The following WDR7 variants were observed in gnomAD, a reference collection of about 807,000 sequenced individuals.
The protein encoded by WDR7 is WD repeat-containing protein 7.
In WDR7, 46 loss-of-function variants were observed where a neutral mutation model predicts 169.4. The ratio of observed to expected loss-of-function variants is 0.27; its 90% CI spans 0.21 to 0.35. The LOEUF (loss-of-function observed/expected upper bound fraction) is 0.35. Ranked by LOEUF, WDR7 falls within the 10% of genes least tolerant of loss-of-function variation. The pLI is 1.00. For synonymous variants in WDR7, 612 were observed against 666.8 expected, an observed-to-expected ratio of 0.92 and a Z score of 1.27; for missense variants, 1,534 against 1,859.3, an observed-to-expected ratio of 0.83 and a Z score of 3.22.
At chr18:56,838,462 A>G (rs2045429684) in intron 20 of WDR7, among the ~76,000 whole-genome samples, 1 of 152,236 alleles carries the variant, frequency 6.6e-6, no homozygotes, top group Non-Finnish European at 1.5e-5. Flanking sequence ...GAGTATGGAC[A>G]CAAAATCTTT....
intron 19 of WDR7, among the ~76,000 whole-genome samples, chr18:56,796,053 C>T (rs1026255829): frequency 2.0e-5 from 3 of 152,192 alleles, no homozygotes; most frequent in Admixed American, 6.5e-5. Flanking sequence ...ACCTGGAAAT[C>T]ACAACAGTAC....
intron 20 of WDR7, among the ~76,000 whole-genome samples, chr18:56,838,172 A>G (rs1385809757): frequency 6.6e-6 from 1 of 152,198 alleles, no homozygotes; most frequent in East Asian, 1.9e-4. Context: ...AGCACTCAGC[A>G]TATGCTAACA....
intron 21 of WDR7, among the ~76,000 whole-genome samples, chr18:56,913,025 C>A (rs2046573923): frequency 6.6e-6 from 1 of 151,982 alleles, no homozygotes; most frequent in Non-Finnish European, 1.5e-5. Context: ...CAGGTACACA[C>A]ACCATGCCTA....
chr18:56,835,227 C>T (rs1180030109), intron 20 of WDR7, among the ~76,000 whole-genome samples: 1 of 152,080 alleles, frequency 6.6e-6, no homozygotes, highest in African/African-American at 2.4e-5. Context: ...AATGTGCCTC[C>T]CTTGTCTTAA....
chr18:56,754,213 A>G (rs1202509926), intron 14 of WDR7, among the ~76,000 whole-genome samples: 1 of 149,672 alleles, frequency 6.7e-6, no homozygotes, highest in Non-Finnish European at 1.5e-5. Context: ...TTGGAAGGGT[A>G]AGCAGCAGTA....
At chr18:56,904,600 G>A (rs191732099) in intron 21 of WDR7, among the ~76,000 whole-genome samples, 14 of 152,254 alleles carry the variant, frequency 9.2e-5, no homozygotes, top group Admixed American at 8.5e-4. Context: ...AGAGTGGAGA[G>A]TGGCAGCCAT....
downstream of WDR7, chr18:57,032,801 T>TTATATATATATATACATATATA (rs2048448071): frequency 3.8e-5 from 4 of 106,190 alleles, no homozygotes; most frequent in African/African-American, 1.3e-4. Context: ...TATAATTATT[T>TTATATATATATATACATATATA]TATATATATA....
chr18:56,748,659 A>C (rs1449509727), intron 14 of WDR7, among the ~76,000 whole-genome samples: 1 of 152,146 alleles, frequency 6.6e-6, no homozygotes, highest in Non-Finnish European at 1.5e-5. Context: ...TTGTTAATGA[A>C]AACATATGAA....
intron 20 of WDR7, among the ~76,000 whole-genome samples, chr18:56,858,453 C>T (rs1198458621): frequency 1.3e-5 from 2 of 151,930 alleles, no homozygotes; most frequent in Non-Finnish European, 2.9e-5. Flanking sequence ...AAAACTATTT[C>T]ACATTCTTTT....
chr18:56,915,671 GCAGACAGCAGTAATACT>G (rs1386564379), intron 21 of WDR7, among the ~76,000 whole-genome samples: 1 of 152,118 alleles, frequency 6.6e-6, no homozygotes, highest in Non-Finnish European at 1.5e-5. Context: ...TTTCCTACCA[GCAGACAGCAGTAATACT>G]CATGAATTAT....
downstream of WDR7, chr18:57,030,341 G>C (rs146796445): frequency 6.6e-6 from 1 of 152,164 alleles, no homozygotes; most frequent in Non-Finnish European, 1.5e-5. Context: ...GTCAATCATC[G>C]TGTAACAGTA....
intron 26 of WDR7, among the ~76,000 whole-genome samples, chr18:57,001,557 A>AAAAT (rs1248001363): frequency 5.3e-5 from 8 of 152,192 alleles, no homozygotes; most frequent in Non-Finnish European, 1.2e-4. Flanking sequence ...TTAATGAGGT[A>AAAAT]AAATACACAT....
At chr18:56,706,183 T>A (rs2025949067) in intron 12 of WDR7, among the ~76,000 whole-genome samples, 1 of 152,148 alleles carries the variant, frequency 6.6e-6, no homozygotes, top group African/African-American at 2.4e-5. Flanking sequence ...TAAAGAAAGA[T>A]TTGACAAGCT....
intron 26 of WDR7, among the ~76,000 whole-genome samples, chr18:57,017,501 G>C (rs1161256152): frequency 6.6e-6 from 1 of 151,266 alleles, no homozygotes; most frequent in Non-Finnish European, 1.5e-5. Flanking sequence ...GTGTGTGTGT[G>C]TGTGTGTGTG....
intron 20 of WDR7, among the ~76,000 whole-genome samples, chr18:56,866,159 C>A (rs536126246): frequency 1.3e-5 from 2 of 152,280 alleles, no homozygotes; most frequent in South Asian, 4.1e-4. Flanking sequence ...TTGAACACTT[C>A]ACATACTTAA....
At chr18:56,843,220 T>A (rs1164897058) in intron 20 of WDR7, among the ~76,000 whole-genome samples, 1 of 152,232 alleles carries the variant, frequency 6.6e-6, no homozygotes, top group Non-Finnish European at 1.5e-5. Context: ...ACTGTGAAAG[T>A]TTCTTTATTG....
At chr18:56,977,243 G>T (rs909171882) in intron 26 of WDR7, among the ~76,000 whole-genome samples, 3 of 152,156 alleles carry the variant, frequency 2.0e-5, no homozygotes, top group African/African-American at 7.2e-5. Context: ...TGTTGGCTTG[G>T]TCTAAGAACA....
intron 26 of WDR7, among the ~76,000 whole-genome samples, chr18:56,970,957 A>G (rs1320911329): frequency 1.3e-5 from 2 of 152,154 alleles, no homozygotes; most frequent in Non-Finnish European, 2.9e-5. Flanking sequence ...AGACTTTTGA[A>G]CTGTGGGTAT....
chr18:57,002,377 T>G (rs1660454350), intron 26 of WDR7, among the ~76,000 whole-genome samples: 1 of 152,182 alleles, frequency 6.6e-6, no homozygotes, highest in Non-Finnish European at 1.5e-5. Flanking sequence ...AAATGTAAAC[T>G]GTGCATTGAA....
Sources: allele counts gnomAD v4.1 joint callset (sites outside exome capture counted in the v4.1 genomes callset), GRCh38; gene constraint gnomAD v4.1.1; transcripts MANE v1.5; gene names NCBI Gene and HGNC (gene_info 2026-07-23, HGNC 2026-07-21).